The following SETX variants were observed in gnomAD, a reference collection of about 807,000 sequenced individuals.
SETX encodes helicase senataxin.
SETX carries 90 observed loss-of-function variants against 227.2 expected under a neutral mutation model. That is an observed-to-expected ratio of 0.40 (90% CI 0.33 to 0.47). SETX has a LOEUF of 0.47. Ranked by LOEUF, SETX falls within the 20% of genes least tolerant of loss-of-function variation. The probability of loss-of-function intolerance (pLI) is 0.91; values close to 1 mark genes in which losing one functional copy is unlikely to be tolerated. For missense variants in SETX, 3,052 were observed against 3,181.5 expected, an observed-to-expected ratio of 0.96 and a Z score of 0.98; for synonymous variants, 1,210 against 1,113.2, an observed-to-expected ratio of 1.09 and a Z score of -1.73.
At chr9:132,302,681 CAAA>C (rs57673567) in intron 11 of SETX, among the ~76,000 whole-genome samples, 15,379 of 78,466 alleles carry the variant, frequency 0.2, 1,238 homozygotes, top group East Asian at 0.42. Flanking sequence ...AAAAAAAAAG[CAAA>C]AAAAAAAAAA....
rs1564547809 is a variant in SETX at position 132,330,505 on chromosome 9, A to G, written c.1099-6T>C. 6.2e-7 allele frequency: 1 copy of G among 1,609,542 alleles called. No homozygotes were observed. Among genetic ancestry groups the G allele is most frequent in the Non-Finnish European group, 8.5e-7 (1 of 1,178,816 alleles). ...GCTGTTCTCCATCCAGAATCCTAAAATGAAAGAAATGCTGATGTTCAGATA... is the reference window on the plus strand; with the variant it reads ...GCTGTTCTCCATCCAGAATCCTAAAGTGAAAGAAATGCTGATGTTCAGATA... On this transcript the variant is annotated splice_region_variant and splice_polypyrimidine_tract_variant and intron_variant, in intron 9 of 25. Transcript: ENST00000224140.
rs6597570 is a variant in SETX at position 132,298,371 on chromosome 9, G to T, written c.5549-59C>A. On this transcript the variant is annotated intron_variant, in intron 12 of 25. Transcript: ENST00000224140. ...TATCACTGAATAATGCTGCCTAGTT[G>T]TAAAGGTCATGCAGAATTAGGTATT... The T allele has an allele frequency of 0.21, 280,774 of 1,329,444 alleles. 44,075 individuals are homozygous for T. The highest frequency in any genetic ancestry group is 0.7 in the East Asian group (30,245 of 43,136). The allele number at this position is 1,329,444 out of a possible 1,614,324, so 82.4% of individuals were successfully genotyped here.
rs949911947 is a variant in SETX, at chr9:132,271,768, G to C, written c.7141C>G (p.Gln2381Glu). The C allele has an allele frequency of 1.1e-5, 17 of 1,613,928 alleles. No homozygotes were observed. The highest frequency in any genetic ancestry group is 1.4e-5 in the Non-Finnish European group (16 of 1,180,000). ...CACGTAACAATAACACAATCCTTCT[G>C]CCGACCCTGGAATGCATCCACAGTG... ...VDTVDAFQGRQKDCVIVTCVR... is the reference protein window; with the variant it reads ...VDTVDAFQGREKDCVIVTCVR... The change falls in exon 24 of 26, where the codon CAG becomes GAG. Residue 2381 changes from glutamine (Q) to glutamate (E), a missense_variant. Transcript: ENST00000224140.
chr9:132,336,622 A>C, intron 5 of SETX, 107 bp from the exon 6 acceptor site: 5 of 850,214 alleles, frequency 5.9e-6, no homozygotes, highest in Non-Finnish European at 9.9e-6. Flanking sequence ...AAGACATGTG[A>C]CATATTAATT....
At chr9:132,306,511 C>T (rs963826889) in intron 11 of SETX, among the ~76,000 whole-genome samples, 4 of 151,706 alleles carry the variant, frequency 2.6e-5, no homozygotes, top group African/African-American at 9.7e-5. Context: ...TGTGCCCAGC[C>T]GAGTCTACTA....
chr9:132,350,673 A>G (rs1848553952), intron 2 of SETX, among the ~76,000 whole-genome samples: 1 of 152,370 alleles, frequency 6.6e-6, no homozygotes, highest in East Asian at 1.9e-4. Flanking sequence ...ATTAAATATT[A>G]CTTTTACTTA....
intron 23 of SETX, 126 bp from the exon 24 acceptor site, chr9:132,271,934 G>A (rs1319788870): frequency 1.0e-5 from 7 of 699,544 alleles, no homozygotes; most frequent in African/African-American, 1.8e-5. Flanking sequence ...CCAGGCTGGA[G>A]TGCAGTGGCG....
intron 13 of SETX, 62 bp downstream of exon 13, chr9:132,298,017 TA>T: frequency 1.4e-6 from 2 of 1,395,708 alleles, no homozygotes; most frequent in Admixed American, 1.7e-5. Flanking sequence ...ACATAGCAGC[TA>T]AAAAATATGA....
At position 132,331,119 on chromosome 9, in the gene SETX, G is replaced by A. The variant is rs745359876; in HGVS notation, c.1031C>T (p.Ser344Phe). 1.9e-6 allele frequency: 3 copies of A among 1,613,554 alleles called. No homozygotes were observed. Among genetic ancestry groups the A allele is most frequent in the South Asian group, 2.2e-5 (2 of 91,056 alleles). Residue 344 changes from serine (S) to phenylalanine (F), a missense_variant, in exon 9 of 26, where the codon TCC becomes TTC. Coordinates refer to ENST00000224140, the MANE Select transcript of SETX (RefSeq NM_015046.7). The part of the protein sequence containing the change: ...SSVRTKLEPE[S>F]YLDDMVTCSQ... ...GCAAGTCACCATATCATCCAAATAG[G>A]ACTCCGGTTCTAACTTGGTCCTTAA...
chr9:132,311,933 A>T lies in SETX; in HGVS notation c.5275-77T>A, dbSNP rs934661154. The T allele has an allele frequency of 1.9e-5, 21 of 1,108,124 alleles. No homozygotes were observed. The African/African-American group carries it at 2.8e-4, about 15-fold the overall frequency. The allele number at this position is 1,108,124 out of a possible 1,614,324, so 68.6% of individuals were successfully genotyped here. A position where few individuals can be genotyped will look rare whatever the true frequency, so the allele number is the denominator to read the frequency against. On this transcript the variant is annotated intron_variant, in intron 10 of 25. Transcript: ENST00000224140. ...CTAAATAGTAACATTTTCCAAAGTT[A>T]AGCAACAGTAAAATCCAGAAGCTAG...
At position 132,319,961 on chromosome 9, in the gene SETX, C is replaced by T. The variant is rs117097903; in HGVS notation, c.5274+6363G>A. 3.2e-4 allele frequency among the ~76,000 whole-genome samples: 48 copies of T among 152,264 alleles called. 1 individual carries two copies. The East Asian group carries it at 9.3e-3, about 29-fold the overall frequency. ...GGCAACAGTAGAGGACTGCAGATAA[C>T]AGAAAGCATATCTAAGTTTTAAAAT... On this transcript the variant is annotated intron_variant, in intron 10 of 25. Coordinates refer to ENST00000224140, the MANE Select transcript of SETX (RefSeq NM_015046.7).
In SETX at chr9:132,327,398, T is replaced by G. The variant is rs746700754; in HGVS notation, c.4200A>C (p.Gly1400=). The G allele has an allele frequency of 6.2e-7, 1 of 1,614,224 alleles. No homozygotes were observed. Among genetic ancestry groups the G allele is most frequent in the South Asian group, 1.1e-5 (1 of 91,090 alleles). ...TACTGTTGGCAAGTACCTCAGTTCC[T>G]CCTGTACAATTATAATCTGACCTAT... ...ESDRSDYNCT[G]GTEVLANSNR... Residue 1400 remains glycine, a synonymous_variant, in exon 10 of 26, where the codon GGA becomes GGC. Coordinates refer to ENST00000224140, the MANE Select transcript of SETX (RefSeq NM_015046.7).
At chr9:132,337,051 A>T (rs1847671041) in intron 5 of SETX, among the ~76,000 whole-genome samples, 1 of 152,168 alleles carries the variant, frequency 6.6e-6, no homozygotes, top group Non-Finnish European at 1.5e-5. Context: ...GGGCGACAAG[A>T]GTAAGACTCC....
intron 25 of SETX, chr9:132,269,280 A>G: frequency 1.7e-6 from 1 of 596,010 alleles, no homozygotes; most frequent in Non-Finnish European, 2.6e-6. Context: ...GGCCAATAAC[A>G]GCCACATTTA....
intron 19 of SETX, among the ~76,000 whole-genome samples, chr9:132,282,019 TAAAAAAAAAAA>T (rs71376633): frequency 3.5e-4 from 29 of 81,908 alleles, no homozygotes; most frequent in Non-Finnish European, 6.5e-4. Context: ...ACTCCGTCTC[TAAAAAAAAAAA>T]AAAAAAAAGC....
chr9:132,311,034 T>G (rs1261804137), intron 11 of SETX, among the ~76,000 whole-genome samples: 1 of 152,190 alleles, frequency 6.6e-6, no homozygotes, highest in Non-Finnish European at 1.5e-5. Flanking sequence ...TGGCGCTATT[T>G]CGGCTCACTG....
At position 132,354,583 on chromosome 9, in the gene SETX, T is replaced by C. The variant is rs1272844790; in HGVS notation, c.-115+334A>G. Among the ~76,000 whole-genome samples, 11 of 149,712 alleles carry C rather than the reference T, an allele frequency of 7.3e-5. 1 individual carries two copies. In the South Asian group the frequency reaches 1.7e-3, roughly 23 times the overall value. ...ACGAGCGTGTGGAGGGAACCGACAC[T>C]TTCCACCCCGAGACCTCCCGCTCAG... On this transcript the variant is annotated intron_variant, in intron 1 of 25. Transcript: ENST00000224140.
intron 9 of SETX, 29 bp from the exon 10 acceptor site, chr9:132,330,528 A>G: frequency 6.3e-7 from 1 of 1,585,322 alleles, no homozygotes; most frequent in Non-Finnish European, 8.6e-7. Flanking sequence ...TGATGTTCAG[A>G]TAAATAAGCA....
chr9:132,288,214 T>C, intron 17 of SETX, 22 bp downstream of exon 17: 2 of 1,590,838 alleles, frequency 1.3e-6, no homozygotes, highest in South Asian at 1.1e-5. Context: ...CCTGAGTTAT[T>C]ATTCAAGAAA....
Sources: gnomAD v4.1 joint callset for allele counts (sites outside exome capture counted in the v4.1 genomes callset) on GRCh38, gnomAD v4.1.1 for gene constraint, MANE v1.5 for transcripts, NCBI Gene and HGNC (gene_info 2026-07-23, HGNC 2026-07-21) for gene names.